SPATA6: variants seen among roughly 807,000 people sequenced by gnomAD.
SPATA6 encodes the protein spermatogenesis associated 6.
Under a neutral mutation model 65.3 loss-of-function variants are expected in SPATA6, and 56 were observed. That is an observed-to-expected ratio of 0.86 (90% CI 0.69 to 1.07). The LOEUF is 1.07. SPATA6 is among the 50% of genes least tolerant of loss of function. The probability of loss-of-function intolerance (pLI) is 0.00; values close to 1 mark genes in which losing one functional copy is unlikely to be tolerated. For synonymous variants in SPATA6, 199 were observed against 213.2 expected (o/e 0.93, Z 0.58); for missense variants, 590 against 594.8 (o/e 0.99, Z 0.08).
At chr1:48,431,310 A>G (rs1196792529) in intron 3 of SPATA6, among the ~76,000 whole-genome samples, 1 of 152,176 alleles carries the variant, frequency 6.6e-6, no homozygotes, top group African/African-American at 2.4e-5. Flanking sequence ...AAATGGTTCT[A>G]CAATAATAGT....
intron 1 of SPATA6, among the ~76,000 whole-genome samples, chr1:48,462,150 C>T (rs1657485046): frequency 2.0e-5 from 3 of 151,094 alleles, no homozygotes; most frequent in South Asian, 4.2e-4. Flanking sequence ...ACAATGAGAA[C>T]ACATGGACAC....
At chr1:48,280,934 A>G in the SPATA6 span, among the ~76,000 whole-genome samples, 43 of 152,260 alleles carry the variant, frequency 2.8e-4, no homozygotes, top group Admixed American at 4.6e-4. Flanking sequence ...AAAATCCTCA[A>G]TAAAATACTG....
At chr1:48,334,009 C>T (rs1288928744) in intron 11 of SPATA6, among the ~76,000 whole-genome samples, 1 of 152,114 alleles carries the variant, frequency 6.6e-6, no homozygotes, top group African/African-American at 2.4e-5. Flanking sequence ...CACCTCTATG[C>T]ACACAGACTA....
intron 11 of SPATA6, among the ~76,000 whole-genome samples, chr1:48,350,324 G>T (rs1316896651): frequency 6.8e-6 from 1 of 147,870 alleles, no homozygotes. Flanking sequence ...TCCTAACTCT[G>T]GATACAAGTC....
At chr1:48,412,321 T>C (rs1055841351) in intron 4 of SPATA6, among the ~76,000 whole-genome samples, 5 of 152,194 alleles carry the variant, frequency 3.3e-5, no homozygotes, top group African/African-American at 1.2e-4. Flanking sequence ...TTCTCTTCCC[T>C]TCCCTAATAA....
chr1:48,313,437 C>T, intron 11 of SPATA6, among the ~76,000 whole-genome samples: 1 of 152,004 alleles, frequency 6.6e-6, no homozygotes, highest in East Asian at 1.9e-4. Context: ...TCATATCCAG[C>T]CAAACTAAGC....
intron 3 of SPATA6, among the ~76,000 whole-genome samples, chr1:48,446,174 C>T (rs189668222): frequency 2.5e-3 from 378 of 152,074 alleles, no homozygotes; most frequent in Non-Finnish European, 3.9e-3. Flanking sequence ...AGAAACTCTA[C>T]ATAAGCCCTC....
At chr1:48,285,265 G>A in the SPATA6 span, among the ~76,000 whole-genome samples, 2,280 of 152,078 alleles carry the variant, frequency 0.015, 55 homozygotes, top group African/African-American at 0.052. Flanking sequence ...CAGTAATGGC[G>A]GACACCCCTC....
At chr1:48,449,213 T>C (rs1030083983) in intron 3 of SPATA6, among the ~76,000 whole-genome samples, 1 of 152,136 alleles carries the variant, frequency 6.6e-6, no homozygotes, top group Non-Finnish European at 1.5e-5. Context: ...AAAATAGTAA[T>C]GTGCAACCCC....
chr1:48,284,777 A>C, the SPATA6 span, among the ~76,000 whole-genome samples: 1 of 152,080 alleles, frequency 6.6e-6, no homozygotes, highest in Non-Finnish European at 1.5e-5. Flanking sequence ...AACAGCAAAG[A>C]TTGCTCCCTG....
chr1:48,321,868 T>G (rs533413577), intron 11 of SPATA6, among the ~76,000 whole-genome samples: 1 of 152,240 alleles, frequency 6.6e-6, no homozygotes, highest in South Asian at 2.1e-4. Flanking sequence ...TTTTGGACAC[T>G]ACACCAACAG....
the SPATA6 span, among the ~76,000 whole-genome samples, chr1:48,278,831 C>T: frequency 3.0e-4 from 45 of 152,194 alleles, no homozygotes; most frequent in Admixed American, 9.8e-4. Context: ...AATACAGAAA[C>T]GCCACAAAGA....
downstream of SPATA6, among the ~76,000 whole-genome samples, chr1:48,293,712 T>A (rs1202403108): frequency 6.6e-6 from 1 of 152,204 alleles, no homozygotes; most frequent in African/African-American, 2.4e-5. Flanking sequence ...TTCACAAACC[T>A]TAGTAAGTGG....
intron 11 of SPATA6, among the ~76,000 whole-genome samples, chr1:48,330,966 G>A (rs971148124): frequency 6.6e-6 from 1 of 152,172 alleles, no homozygotes; most frequent in Non-Finnish European, 1.5e-5. Flanking sequence ...TAATTGCAGA[G>A]GGGGCTCCTC....
At chr1:48,367,766 T>C (rs1647075357) in intron 9 of SPATA6, among the ~76,000 whole-genome samples, 1 of 152,236 alleles carries the variant, frequency 6.6e-6, no homozygotes, top group African/African-American at 2.4e-5. Flanking sequence ...CCAGTCTGTG[T>C]CTTTTAATTG....
Position 48,441,351 on chromosome 1 carries a change from G to A in SPATA6, c.238+10201C>T, listed in dbSNP as rs148286661. On this transcript the variant is annotated intron_variant, in intron 3 of 12. Coordinates refer to ENST00000371847, the MANE Select transcript of SPATA6 (RefSeq NM_019073.4). ...CTGTCCTCAAGGTCCGTTACCATCC[G>A]AGGAATCCTGGGACAGCCTGTAATC... Among the ~76,000 whole-genome samples, 1,183 of 138,736 alleles carry A rather than the reference G, an allele frequency of 8.5e-3. 19 individuals carry two copies. The highest frequency in any genetic ancestry group is 0.063 in the South Asian group (265 of 4,202). 91.0% of individuals were successfully genotyped at this position (138,736 alleles called of 152,430 possible).
chr1:48,393,253 A>G (rs1397922999), intron 8 of SPATA6: 3 of 152,040 alleles, frequency 2.0e-5, no homozygotes, highest in Non-Finnish European at 2.9e-5. Context: ...AATACCACAT[A>G]CCTCCTAGTG....
At chr1:48,325,523 C>A in intron 11 of SPATA6, 1 of 1,216,894 alleles carries the variant, frequency 8.2e-7, no homozygotes, top group Non-Finnish European at 1.2e-6. Context: ...CACTGAATGT[C>A]ACCCGGGAGT....
intron 9 of SPATA6, among the ~76,000 whole-genome samples, chr1:48,375,797 A>AT (rs953142094): frequency 6.6e-6 from 1 of 152,132 alleles, no homozygotes; most frequent in Admixed American, 6.5e-5. Flanking sequence ...TTATACACTT[A>AT]TTTTTCTAAA....
Sources: gnomAD v4.1 joint callset for allele counts (sites outside exome capture counted in the v4.1 genomes callset) on GRCh38, gnomAD v4.1.1 for gene constraint, MANE v1.5 for transcripts, NCBI Gene and HGNC (gene_info 2026-07-23, HGNC 2026-07-21) for gene names.